Variants in EXOC6B observed in about 807,000 individuals in gnomAD.
EXOC6B encodes exocyst complex component 6B.
Under a neutral mutation model 113.5 loss-of-function variants are expected in EXOC6B, and 54 were observed. That is an observed-to-expected ratio of 0.48 (90% confidence interval 0.38 to 0.60). EXOC6B has a LOEUF of 0.60. Ranked by LOEUF, EXOC6B falls within the 20% of genes least tolerant of loss-of-function variation. The pLI, the probability that EXOC6B is intolerant of heterozygous loss-of-function variation, is 0.00. For missense variants in EXOC6B, 797 were observed against 977.5 expected (o/e 0.82, Z 2.46); for synonymous variants, 357 against 339.0 (o/e 1.05, Z -0.58).
intron 20 of EXOC6B, among the ~76,000 whole-genome samples, chr2:72,190,052 A>C (rs781647743): frequency 4.1e-5 from 6 of 146,476 alleles, no homozygotes; most frequent in Non-Finnish European, 7.5e-5. Flanking sequence ...TTCCTAAGAG[A>C]CCAGTTCTTG....
At chr2:72,384,237 A>G (rs922025527) in intron 18 of EXOC6B, among the ~76,000 whole-genome samples, 1 of 152,106 alleles carries the variant, frequency 6.6e-6, no homozygotes, top group East Asian at 1.9e-4. Flanking sequence ...GAGAGTGGGA[A>G]TAGAGTGAAT....
At chr2:72,494,578 T>A (rs1699932727) in intron 15 of EXOC6B, among the ~76,000 whole-genome samples, 1 of 152,142 alleles carries the variant, frequency 6.6e-6, no homozygotes, top group Admixed American at 6.6e-5. Flanking sequence ...TGCTTTCCAT[T>A]CATTTCATAC....
chr2:72,433,498 G>A (rs556589322), intron 18 of EXOC6B, among the ~76,000 whole-genome samples: 3 of 152,310 alleles, frequency 2.0e-5, no homozygotes, highest in Non-Finnish European at 2.9e-5. Flanking sequence ...ACTTGGGACA[G>A]TATGGCCATT....
intron 1 of EXOC6B, among the ~76,000 whole-genome samples, chr2:72,814,242 C>A (rs560701820): frequency 6.6e-6 from 1 of 152,196 alleles, no homozygotes; most frequent in African/African-American, 2.4e-5. Context: ...TGGCCTTCAT[C>A]ATTTATCTAA....
intron 18 of EXOC6B, among the ~76,000 whole-genome samples, chr2:72,403,094 C>T (rs1318168498): frequency 1.3e-5 from 2 of 152,152 alleles, no homozygotes; most frequent in Non-Finnish European, 2.9e-5. Context: ...CAGAGATTTA[C>T]CTCAGGTGAA....
intron 6 of EXOC6B, among the ~76,000 whole-genome samples, chr2:72,609,508 A>G (rs1216136836): frequency 6.6e-6 from 1 of 151,226 alleles, no homozygotes; most frequent in Non-Finnish European, 1.5e-5. Context: ...TGATCAATAA[A>G]AAATAAAAAT....
chr2:72,734,026 C>T (rs1260313615), intron 2 of EXOC6B, among the ~76,000 whole-genome samples: 1 of 152,162 alleles, frequency 6.6e-6, no homozygotes, highest in East Asian at 1.9e-4. Context: ...CATAAACACA[C>T]ACACAAATAC....
chr2:72,263,123 A>T (rs1014484426), intron 20 of EXOC6B, among the ~76,000 whole-genome samples: 1 of 152,184 alleles, frequency 6.6e-6, no homozygotes, highest in Non-Finnish European at 1.5e-5. Context: ...TTGTCAATGG[A>T]CTAAACTTGC....
intron 1 of EXOC6B, among the ~76,000 whole-genome samples, chr2:72,752,550 T>A (rs763549902): frequency 6.9e-6 from 1 of 145,438 alleles, no homozygotes; most frequent in East Asian, 2.0e-4. Flanking sequence ...TCTCTCTCAC[T>A]CTCTCTCTCT....
chr2:72,225,989 C>T (rs868033422), intron 20 of EXOC6B, among the ~76,000 whole-genome samples: 3 of 152,082 alleles, frequency 2.0e-5, no homozygotes, highest in African/African-American at 2.4e-5. Flanking sequence ...GCAACAACCG[C>T]GTATGTGACT....
At chr2:72,189,860 C>CTTTATTTTT in intron 20 of EXOC6B, among the ~76,000 whole-genome samples, 1 of 87,252 alleles carries the variant, frequency 1.1e-5, no homozygotes, top group Non-Finnish European at 2.0e-5. Context: ...CCTTCTTCTT[C>CTTTATTTTT]TTTTTTTTTT....
chr2:72,670,683 C>T (rs1013821021), intron 6 of EXOC6B, among the ~76,000 whole-genome samples: 2 of 152,198 alleles, frequency 1.3e-5, no homozygotes, highest in African/African-American at 4.8e-5. Flanking sequence ...AATTGCTCTA[C>T]TTCTCACAGT....
intron 20 of EXOC6B, among the ~76,000 whole-genome samples, chr2:72,286,907 G>A (rs559968665): frequency 4.6e-5 from 7 of 152,112 alleles, no homozygotes; most frequent in South Asian, 2.1e-4. Flanking sequence ...AAATTAAAAC[G>A]GAAATTAGAA....
At chr2:72,502,486 T>C (rs1700377820) in intron 11 of EXOC6B, among the ~76,000 whole-genome samples, 2 of 152,142 alleles carry the variant, frequency 1.3e-5, no homozygotes. Context: ...AGGCAGAGGT[T>C]GCAGTGAGCA....
chr2:72,177,719 G>A lies in EXOC6B; in HGVS notation c.*1616C>T, dbSNP rs1346029404. On this transcript the variant is annotated 3_prime_UTR_variant, in exon 22 of 22. Coordinates refer to ENST00000272427, the MANE Select transcript of EXOC6B (RefSeq NM_015189.3). Reference sequence around the variant, plus strand: ...GATATGGTGAGGTAGGGGGGTTGGGGAGGGGCAAGGAAGTACTTCCCTCCC... The same window carrying A: ...GATATGGTGAGGTAGGGGGGTTGGGAAGGGGCAAGGAAGTACTTCCCTCCC... 2 of 152,198 alleles carry A rather than the reference G, an allele frequency of 1.3e-5. No individual in the cohort carries two copies. The highest frequency in any genetic ancestry group is 4.8e-5 in the African/African-American group (2 of 41,436). The allele number at this position is 152,198 out of a possible 1,614,324, so 9.4% of individuals were successfully genotyped here.
At chr2:72,615,140 T>C (rs1671305384) in intron 6 of EXOC6B, among the ~76,000 whole-genome samples, 1 of 152,058 alleles carries the variant, frequency 6.6e-6, no homozygotes, top group Non-Finnish European at 1.5e-5. Context: ...CTTCATAAGG[T>C]TGTACTAGAG....
intron 20 of EXOC6B, among the ~76,000 whole-genome samples, chr2:72,293,726 T>C (rs1685951430): frequency 6.6e-6 from 1 of 152,176 alleles, no homozygotes; most frequent in South Asian, 2.1e-4. Flanking sequence ...CAGTCCTAAC[T>C]CCTTACTTGG....
chr2:72,257,088 A>G lies in EXOC6B; in HGVS notation c.2197-72901T>C, dbSNP rs923504467. On this transcript the variant is annotated intron_variant, in intron 20 of 21. Transcript: ENST00000272427. ...TGTTCTGGGAACAAAATGACTATGC[A>G]AAGTGTTTTCTCTCCACAAAGACAA... Among the ~76,000 whole-genome samples, 6 of 152,274 alleles carry G rather than the reference A, an allele frequency of 3.9e-5. No homozygotes were observed. In the East Asian group the frequency reaches 1.2e-3, roughly 29 times the overall value.
intron 1 of EXOC6B, among the ~76,000 whole-genome samples, chr2:72,783,318 CTTTTTTTTTTT>C (rs70963146): frequency 1.7e-5 from 1 of 60,412 alleles, no homozygotes; most frequent in African/African-American, 6.8e-5. Context: ...TTTTTCTTTT[CTTTTTTTTTTT>C]TTTTTTTTTT....
Sources: gnomAD v4.1 joint callset for allele counts (sites outside exome capture counted in the v4.1 genomes callset) on GRCh38, gnomAD v4.1.1 for gene constraint, MANE v1.5 for transcripts, NCBI Gene and HGNC (gene_info 2026-07-23, HGNC 2026-07-21) for gene names.